FIGN: variants seen among roughly 807,000 people sequenced by gnomAD.
The protein encoded by FIGN is fidgetin.
FIGN carries 11 observed loss-of-function variants against 51.3 expected under a neutral mutation model. The observed-to-expected ratio is 0.21, with a 90% CI of 0.13 to 0.35. The LOEUF is 0.35. Ranked by LOEUF, FIGN falls within the 10% of genes least tolerant of loss-of-function variation. The probability of loss-of-function intolerance (pLI) is 1.00; values close to 1 mark genes in which losing one functional copy is unlikely to be tolerated. For missense variants in FIGN, 857 were observed against 943.6 expected, an observed-to-expected ratio of 0.91 and a Z score of 1.20; for synonymous variants, 407 against 363.2, an observed-to-expected ratio of 1.12 and a Z score of -1.37.
chr2:163,621,512 T>C (rs1414523955), intron 2 of FIGN, among the ~76,000 whole-genome samples: 1 of 152,174 alleles, frequency 6.6e-6, no homozygotes, highest in Non-Finnish European at 1.5e-5. Flanking sequence ...GTTGTTTTTT[T>C]CCAAATAAGA....
chr2:163,645,712 C>G (rs1186691175), intron 2 of FIGN, among the ~76,000 whole-genome samples: 1 of 152,128 alleles, frequency 6.6e-6, no homozygotes, highest in Non-Finnish European at 1.5e-5. Flanking sequence ...GGAGTATGGC[C>G]TACTCTAGCT....
chr2:163,623,028 A>G (rs1004987555), intron 2 of FIGN, among the ~76,000 whole-genome samples: 1 of 152,174 alleles, frequency 6.6e-6, no homozygotes, highest in Non-Finnish European at 1.5e-5. Flanking sequence ...CGAAAACCCA[A>G]CTCTGTCTAA....
intron 2 of FIGN, among the ~76,000 whole-genome samples, chr2:163,729,619 C>G (rs891045598): frequency 6.6e-6 from 1 of 152,060 alleles, no homozygotes; most frequent in African/African-American, 2.4e-5. Context: ...AATACTTAAG[C>G]TGAGCTATAG....
At chr2:163,631,419 A>G (rs1683143895) in intron 2 of FIGN, among the ~76,000 whole-genome samples, 1 of 152,164 alleles carries the variant, frequency 6.6e-6, no homozygotes. Flanking sequence ...TAGAATGCTA[A>G]ACTATCCTTG....
chr2:163,704,859 GA>G (rs1684473877), intron 2 of FIGN, among the ~76,000 whole-genome samples: 2 of 151,904 alleles, frequency 1.3e-5, no homozygotes, highest in Non-Finnish European at 2.9e-5. Context: ...AAATCTCCTG[GA>G]AAAATATTAA....
intron 2 of FIGN, among the ~76,000 whole-genome samples, chr2:163,712,136 AC>A (rs1684596938): frequency 6.6e-6 from 1 of 152,180 alleles, no homozygotes. Context: ...GTAAAGGGTA[AC>A]CCTATTTCAC....
At chr2:163,688,644 G>C (rs1411781003) in intron 2 of FIGN, among the ~76,000 whole-genome samples, 2 of 152,142 alleles carry the variant, frequency 1.3e-5, no homozygotes, top group African/African-American at 4.8e-5. Flanking sequence ...GCTACAGAAG[G>C]CTTGTGAGTA....
chr2:163,698,304 G>A (rs779469216), intron 2 of FIGN, among the ~76,000 whole-genome samples: 3 of 152,040 alleles, frequency 2.0e-5, no homozygotes, highest in Non-Finnish European at 4.4e-5. Flanking sequence ...ATGGAATTGC[G>A]AGAGGATAGC....
At position 163,611,775 on chromosome 2, in the gene FIGN, G is replaced by A; in HGVS notation, c.57C>T (p.Ala19=). The stretch of plus-strand genomic sequence containing the variant: ...TGTCAAAGTGCTGTTCTGGCCACTG[G>A]GCATGCTCTGGCGTCCACTGCATCT... ...GLKMQWTPEH[A]QWPEQHFDIT... Residue 19 remains alanine (A), a synonymous_variant, in exon 3 of 3, where the codon GCC becomes GCT. Transcript: ENST00000333129. 1 of 1,608,764 alleles carries A rather than the reference G, an allele frequency of 6.2e-7. No individual in the cohort carries two copies. The highest frequency in any genetic ancestry group is 1.3e-5 in the African/African-American group (1 of 74,962).
chr2:163,726,693 G>A (rs1163085940), intron 2 of FIGN, among the ~76,000 whole-genome samples: 1 of 151,950 alleles, frequency 6.6e-6, no homozygotes, highest in Admixed American at 6.6e-5. Context: ...CTATGCACAT[G>A]CACAAGAACA....
chr2:163,624,318 T>C (rs926750338), intron 2 of FIGN, among the ~76,000 whole-genome samples: 3 of 151,848 alleles, frequency 2.0e-5, no homozygotes, highest in Non-Finnish European at 4.4e-5. Context: ...AAAACAGAAT[T>C]GAAAGGTGAG....
chr2:163,653,751 T>C (rs1245965667), intron 2 of FIGN, among the ~76,000 whole-genome samples: 6 of 152,090 alleles, frequency 3.9e-5, no homozygotes, highest in South Asian at 4.1e-4. Flanking sequence ...ATCTATACGA[T>C]GGAAGTCAGT....
At chr2:163,712,760 C>T (rs1357958599) in intron 2 of FIGN, among the ~76,000 whole-genome samples, 1 of 152,098 alleles carries the variant, frequency 6.6e-6, no homozygotes, top group Non-Finnish European at 1.5e-5. Flanking sequence ...TGTAATCAAA[C>T]ATCAATCACA....
At chr2:163,682,974 C>T (rs1251912167) in intron 2 of FIGN, among the ~76,000 whole-genome samples, 6 of 152,090 alleles carry the variant, frequency 3.9e-5, no homozygotes, top group African/African-American at 1.4e-4. Context: ...TCTTCTTCTT[C>T]TTTTTTTCTT....
chr2:163,700,211 T>C (rs551145486), intron 2 of FIGN, among the ~76,000 whole-genome samples: 1 of 152,230 alleles, frequency 6.6e-6, no homozygotes, highest in East Asian at 1.9e-4. Flanking sequence ...TTGTTCTTTT[T>C]GAAACAGAAT....
At chr2:163,672,847 C>G (rs1004520781) in intron 2 of FIGN, among the ~76,000 whole-genome samples, 1 of 152,174 alleles carries the variant, frequency 6.6e-6, no homozygotes, top group Non-Finnish European at 1.5e-5. Context: ...CACACTCTGA[C>G]TTACTCTCTC....
intron 2 of FIGN, among the ~76,000 whole-genome samples, chr2:163,634,032 C>T (rs1683187850): frequency 1.3e-5 from 2 of 151,934 alleles, no homozygotes; most frequent in South Asian, 4.1e-4. Flanking sequence ...CTTTTCAGCA[C>T]AGTCTCTCAG....
intron 2 of FIGN, among the ~76,000 whole-genome samples, chr2:163,626,325 C>T (rs889768260): frequency 2.0e-5 from 3 of 152,006 alleles, no homozygotes; most frequent in Admixed American, 1.3e-4. Flanking sequence ...AACCTATATC[C>T]TGCATCATTA....
intron 2 of FIGN, among the ~76,000 whole-genome samples, chr2:163,732,515 G>T (rs1205648517): frequency 6.6e-6 from 1 of 152,068 alleles, no homozygotes; most frequent in Admixed American, 6.5e-5. Context: ...AACAATCTGT[G>T]TTCAAAACGT....
Sources: allele counts gnomAD v4.1 joint callset (sites outside exome capture counted in the v4.1 genomes callset), GRCh38; gene constraint gnomAD v4.1.1; transcripts MANE v1.5; gene names NCBI Gene and HGNC (gene_info 2026-07-23, HGNC 2026-07-21).